EYS: variants seen among roughly 807,000 people sequenced by gnomAD.
The protein encoded by EYS is protein eyes shut homolog.
In EYS, 250 loss-of-function variants were observed where a neutral mutation model predicts 282.1. The ratio of observed to expected loss-of-function variants is 0.89; its 90% CI spans 0.80 to 0.98. The LOEUF (loss-of-function observed/expected upper bound fraction) is 0.98, where lower values mean the gene tolerates loss of function less well. Ranked by LOEUF, EYS falls within the 50% of genes least tolerant of loss-of-function variation. The pLI is 0.00. For missense variants in EYS, 4,016 were observed against 3,709.0 expected (o/e 1.08, Z -2.15); for synonymous variants, 1,355 against 1,282.9 (o/e 1.06, Z -1.20).
At chr6:65,015,870 TAAAA>T (rs776971479) in intron 13 of EYS, among the ~76,000 whole-genome samples, 7 of 52,008 alleles carry the variant, frequency 1.3e-4, no homozygotes, top group East Asian at 5.9e-4. Flanking sequence ...TCGTCTCTAC[TAAAA>T]AAAAAAAAAA....
chr6:64,855,347 T>C (rs1766023922), intron 19 of EYS, among the ~76,000 whole-genome samples: 4 of 152,150 alleles, frequency 2.6e-5, no homozygotes, highest in African/African-American at 9.7e-5. Flanking sequence ...ATTGACTGTT[T>C]TATGTCTTTT....
At chr6:65,546,672 A>T (rs1768403001) in intron 2 of EYS, among the ~76,000 whole-genome samples, 1 of 151,994 alleles carries the variant, frequency 6.6e-6, no homozygotes, top group African/African-American at 2.4e-5. Flanking sequence ...CCTGGGTTCA[A>T]GAGATTCTCA....
At chr6:64,648,646 A>G (rs1056172488) in intron 22 of EYS, among the ~76,000 whole-genome samples, 9 of 152,288 alleles carry the variant, frequency 5.9e-5, no homozygotes, top group African/African-American at 1.4e-4. Context: ...AATTGAGGCA[A>G]AATTACAAGG....
intron 11 of EYS, among the ~76,000 whole-genome samples, chr6:65,327,043 A>G (rs1409338037): frequency 6.6e-6 from 1 of 151,652 alleles, no homozygotes; most frequent in Non-Finnish European, 1.5e-5. Context: ...TGACTTGTTT[A>G]TATACTTAAA....
intron 22 of EYS, among the ~76,000 whole-genome samples, chr6:64,779,126 C>A (rs1339383752): frequency 6.6e-6 from 1 of 152,108 alleles, no homozygotes; most frequent in Non-Finnish European, 1.5e-5. Flanking sequence ...TATAATCCAG[C>A]AATTACACTC....
At chr6:63,971,051 T>C (rs1766547089) in intron 35 of EYS, among the ~76,000 whole-genome samples, 1 of 152,184 alleles carries the variant, frequency 6.6e-6, no homozygotes, top group African/African-American at 2.4e-5. Flanking sequence ...AATTGTAACA[T>C]TTAGGGTACT....
chr6:64,101,649 A>AT (rs111743534), intron 31 of EYS, among the ~76,000 whole-genome samples: 6,366 of 151,464 alleles, frequency 0.042, 394 homozygotes, highest in African/African-American at 0.14. Context: ...TCTAGTTCCC[A>AT]TTTTTTTTGG....
rs188482529 is a variant in EYS at position 65,317,692 on chromosome 6, C to T, written c.1766+17288G>A. Reference sequence around the variant, plus strand: ...CCATTGTCTCAAGGCTTGGCTGGGGCTGGAGAATCCACTGTTAAGCTCACT... The same window carrying T: ...CCATTGTCTCAAGGCTTGGCTGGGGTTGGAGAATCCACTGTTAAGCTCACT... On this transcript the variant is annotated intron_variant, in intron 11 of 42. Coordinates refer to ENST00000503581, the MANE Select transcript of EYS (RefSeq NM_001142800.2). Among the ~76,000 whole-genome samples the T allele has an allele frequency of 2.7e-3, 413 of 152,152 alleles. 12 individuals carry two copies. The highest frequency in any genetic ancestry group is 0.025 in the Admixed American group (388 of 15,266).
At chr6:65,259,587 G>A (rs983590263) in intron 12 of EYS, among the ~76,000 whole-genome samples, 2 of 152,034 alleles carry the variant, frequency 1.3e-5, no homozygotes, top group African/African-American at 4.8e-5. Flanking sequence ...TATTTCAGAT[G>A]AAAAATTTAT....
chr6:65,636,049 T>G (rs1767075858), intron 2 of EYS, among the ~76,000 whole-genome samples: 1 of 152,244 alleles, frequency 6.6e-6, no homozygotes, highest in Non-Finnish European at 1.5e-5. Context: ...TTTTCTTCAG[T>G]GCAATGCCAT....
chr6:65,176,409 C>G lies in EYS; in HGVS notation c.2024-118682G>C, dbSNP rs1269299017. Among the ~76,000 whole-genome samples, 25 of 151,404 alleles carry G rather than the reference C, an allele frequency of 1.7e-4. No homozygotes were observed. The Admixed American group carries it at 1.7e-3, about 10-fold the overall frequency. On this transcript the variant is annotated intron_variant, in intron 12 of 42. Coordinates refer to ENST00000503581, the MANE Select transcript of EYS (RefSeq NM_001142800.2). The stretch of plus-strand genomic sequence containing the variant: ...CCCAGACGAAAATTAGAAATTGACA[C>G]AGAAATAGCAAGATAATTTAGTGAA...
chr6:63,961,020 T>C (rs576972272), intron 35 of EYS, among the ~76,000 whole-genome samples: 55 of 152,354 alleles, frequency 3.6e-4, no homozygotes, highest in South Asian at 2.1e-3. Context: ...CATTGCCTTT[T>C]ACTACATCTT....
chr6:64,694,512 T>A (rs1770508666), intron 22 of EYS, among the ~76,000 whole-genome samples: 1 of 152,102 alleles, frequency 6.6e-6, no homozygotes, highest in Non-Finnish European at 1.5e-5. Flanking sequence ...TGAGGAGGAT[T>A]GATACTAGGA....
chr6:64,077,942 T>A (rs1771828567), intron 32 of EYS, among the ~76,000 whole-genome samples: 1 of 152,034 alleles, frequency 6.6e-6, no homozygotes, highest in African/African-American at 2.4e-5. Flanking sequence ...GAGCTGTCTC[T>A]CTCCCACAGA....
intron 2 of EYS, among the ~76,000 whole-genome samples, chr6:65,581,205 A>G (rs1408607451): frequency 2.0e-5 from 3 of 152,008 alleles, no homozygotes; most frequent in African/African-American, 7.2e-5. Context: ...GTCTTCACCC[A>G]CCCCATCCTT....
chr6:65,069,142 T>C (rs1773834958), intron 12 of EYS, among the ~76,000 whole-genome samples: 1 of 152,078 alleles, frequency 6.6e-6, no homozygotes, highest in Non-Finnish European at 1.5e-5. Flanking sequence ...TTACTCAAGC[T>C]TGAAGTTTTG....
intron 29 of EYS, among the ~76,000 whole-genome samples, chr6:64,365,232 A>C (rs551403504): frequency 1.3e-5 from 2 of 152,156 alleles, no homozygotes; most frequent in East Asian, 3.9e-4. Context: ...AAGCAGGAAT[A>C]CAGAAGAAAT....
chr6:64,882,995 G>A (rs1766969636), intron 19 of EYS, among the ~76,000 whole-genome samples: 1 of 151,502 alleles, frequency 6.6e-6, no homozygotes, highest in African/African-American at 2.4e-5. Context: ...AGTTGCATCT[G>A]AGTTATGGTA....
At chr6:65,410,725 T>C (rs1483154566) in intron 5 of EYS, among the ~76,000 whole-genome samples, 2 of 151,744 alleles carry the variant, frequency 1.3e-5, no homozygotes, top group Non-Finnish European at 2.9e-5. Flanking sequence ...GAAGTCAGTA[T>C]ACCAAAGAGA....
Sources: allele counts gnomAD v4.1 joint callset (sites outside exome capture counted in the v4.1 genomes callset), GRCh38; gene constraint gnomAD v4.1.1; transcripts MANE v1.5; gene names NCBI Gene and HGNC (gene_info 2026-07-23, HGNC 2026-07-21).